Variants in UBE2K observed in about 807,000 individuals in gnomAD.
UBE2K encodes the protein ubiquitin-conjugating enzyme E2 K.
UBE2K carries 6 observed loss-of-function variants against 30.0 expected under a neutral mutation model. That is an observed-to-expected ratio of 0.20 (90% confidence interval 0.11 to 0.39). The LOEUF is 0.39. Ranked by LOEUF, UBE2K falls within the 10% of genes least tolerant of loss-of-function variation. UBE2K has a pLI of 1.00. For synonymous variants in UBE2K, 86 were observed against 83.7 expected, an observed-to-expected ratio of 1.03 and a Z score of -0.15; for missense variants, 61 against 241.6, an observed-to-expected ratio of 0.25 and a Z score of 4.96.
chr4:39,729,385 A>G (rs1719946216), intron 1 of UBE2K, among the ~76,000 whole-genome samples: 1 of 152,128 alleles, frequency 6.6e-6, no homozygotes, highest in Non-Finnish European at 1.5e-5. Flanking sequence ...AACATGTCTC[A>G]AACTGATTTT....
At chr4:39,759,695 G>A (rs1478690451) in intron 4 of UBE2K, among the ~76,000 whole-genome samples, 4 of 152,130 alleles carry the variant, frequency 2.6e-5, no homozygotes, top group Admixed American at 6.5e-5. Flanking sequence ...GAAGAAAATG[G>A]CAACACATAA....
At chr4:39,733,744 G>C (rs1018199020) in intron 1 of UBE2K, among the ~76,000 whole-genome samples, 5 of 152,194 alleles carry the variant, frequency 3.3e-5, no homozygotes, top group African/African-American at 7.2e-5. Context: ...ATAAAATTGA[G>C]AGTTAGGTGT....
chr4:39,743,071 G>A (rs1296181647), intron 2 of UBE2K, among the ~76,000 whole-genome samples: 3 of 151,336 alleles, frequency 2.0e-5, no homozygotes, highest in Admixed American at 6.6e-5. Context: ...AGAAGGATTC[G>A]AAACAAAAAG....
intron 4 of UBE2K, chr4:39,770,070 C>G (rs543017619): frequency 6.0e-4 from 923 of 1,534,126 alleles, no homozygotes; most frequent in Non-Finnish European, 7.5e-4. Context: ...CGGGCCTCCA[C>G]GCCTGCGCGG....
At chr4:39,767,486 G>A (rs1712423302) in intron 4 of UBE2K, among the ~76,000 whole-genome samples, 1 of 151,838 alleles carries the variant, frequency 6.6e-6, no homozygotes, top group African/African-American at 2.4e-5. Flanking sequence ...ACCACGCCCG[G>A]CTAATTTTTT....
At chr4:39,705,499 A>C (rs1718297319) in intron 1 of UBE2K, among the ~76,000 whole-genome samples, 1 of 151,986 alleles carries the variant, frequency 6.6e-6, no homozygotes, top group Non-Finnish European at 1.5e-5. Flanking sequence ...GTGCCCAGCC[A>C]AGACTATATA....
intron 1 of UBE2K, among the ~76,000 whole-genome samples, chr4:39,724,761 C>A (rs1300756038): frequency 6.7e-6 from 1 of 150,164 alleles, no homozygotes; most frequent in African/African-American, 2.5e-5. Context: ...CAGAGTGAGA[C>A]CCTGTTTCAA....
intron 1 of UBE2K, among the ~76,000 whole-genome samples, chr4:39,713,579 A>C (rs1718839432): frequency 6.6e-6 from 1 of 151,988 alleles, no homozygotes; most frequent in African/African-American, 2.4e-5. Flanking sequence ...AATACACATA[A>C]CATAAAATTT....
chr4:39,766,303 AT>A lies in UBE2K; in HGVS notation c.300-8523del, dbSNP rs921424455. Among the ~76,000 whole-genome samples the A allele has an allele frequency of 3.3e-5, 5 of 151,556 alleles. No individual in the cohort carries two copies. In the East Asian group the frequency reaches 7.7e-4, roughly 23 times the overall value. On this transcript the variant is annotated intron_variant, in intron 4 of 6. Coordinates refer to ENST00000261427, the MANE Select transcript of UBE2K (RefSeq NM_005339.5). ...CTCCACAACCTGGCTAACAATTACCATTTTTTTTATGGTAGCCATTCTAATG... is the reference window on the plus strand; with the variant it reads ...CTCCACAACCTGGCTAACAATTACCATTTTTTTATGGTAGCCATTCTAATG...
At position 39,780,038 on chromosome 4, in the gene UBE2K, T is replaced by C. The variant is rs1297234451; in HGVS notation, c.*1604T>C. 1 of 152,168 alleles carries C rather than the reference T, an allele frequency of 6.6e-6. No homozygotes were observed. Among genetic ancestry groups the C allele is most frequent in the Non-Finnish European group, 1.5e-5 (1 of 67,996 alleles). 9.4% of individuals were successfully genotyped at this position (152,168 alleles called of 1,614,324 possible). Reference sequence around the variant, plus strand: ...ATGTGAAGGTTCTTCCAAAAATTTGTAAGGCTTTCCTAATTAACAGTAAAC... The same window carrying C: ...ATGTGAAGGTTCTTCCAAAAATTTGCAAGGCTTTCCTAATTAACAGTAAAC... On this transcript the variant is annotated 3_prime_UTR_variant, in exon 7 of 7. Transcript: ENST00000261427.
chr4:39,759,904 G>A (rs1267795804), intron 4 of UBE2K, among the ~76,000 whole-genome samples: 5 of 152,026 alleles, frequency 3.3e-5, no homozygotes, highest in Non-Finnish European at 7.4e-5. Context: ...GGCAGGGCAC[G>A]GTGGCTCATG....
chr4:39,714,964 A>G (rs557299916), intron 1 of UBE2K, among the ~76,000 whole-genome samples: 10 of 150,206 alleles, frequency 6.7e-5, no homozygotes, highest in Admixed American at 2.7e-4. Context: ...TGATTTTCCC[A>G]TGCCTCAGCC....
Position 39,752,327 on chromosome 4 carries a change from TTTTTTTTC to T in UBE2K, c.217-3322_217-3315del, listed in dbSNP as rs1245320788. 4.1e-4 allele frequency among the ~76,000 whole-genome samples: 42 copies of T among 102,182 alleles called. 2 individuals are homozygous for T. Among genetic ancestry groups the T allele is most frequent in the African/African-American group, 1.5e-3 (39 of 26,444 alleles). 67.0% of individuals were successfully genotyped at this position (102,182 alleles called of 152,430 possible). On this transcript the variant is annotated intron_variant, in intron 3 of 6. Coordinates refer to ENST00000261427, the MANE Select transcript of UBE2K (RefSeq NM_005339.5). ...GCCTGGCTAATTTTTTTTTTTTTCT[TTTTTTTTC>T]TTTTTTTTTTTTTTTTTTTGAGACG...
intron 1 of UBE2K, among the ~76,000 whole-genome samples, chr4:39,716,284 C>CTGTCT (rs1471257221): frequency 6.6e-6 from 1 of 152,172 alleles, no homozygotes; most frequent in African/African-American, 2.4e-5. Context: ...GTCTATCTAT[C>CTGTCT]ATCCAGGCTG....
rs200296554 is a variant in UBE2K at position 39,755,746 on chromosome 4, G to A, written c.299+7G>A. ...ATATCCTGAAAGATCAATGGTAAGA[G>A]ATTTTGAATTCACCTTCTCTCCTTC... On this transcript the variant is annotated splice_region_variant and intron_variant, in intron 4 of 6. Coordinates refer to ENST00000261427, the MANE Select transcript of UBE2K (RefSeq NM_005339.5). 64 of 1,584,600 alleles carry A rather than the reference G, an allele frequency of 4.0e-5. No homozygotes were observed. The East Asian group carries it at 1.4e-3, about 34-fold the overall frequency.
rs1713419259 is a variant in UBE2K, at chr4:39,778,621, G to T, written c.*187G>T. Reference sequence around the variant, plus strand: ...TAAATAAAGCTAATTAAACGTCTGTGTAAATTTAAAAAGGGGAAATACTTT... The same window carrying T: ...TAAATAAAGCTAATTAAACGTCTGTTTAAATTTAAAAAGGGGAAATACTTT... On this transcript the variant is annotated 3_prime_UTR_variant, in exon 7 of 7. Transcript: ENST00000261427. 1 of 443,654 alleles carries T rather than the reference G, an allele frequency of 2.3e-6. No individual in the cohort carries two copies. Among genetic ancestry groups the T allele is most frequent in the Non-Finnish European group, 4.0e-6 (1 of 250,952 alleles). 27.5% of individuals were successfully genotyped at this position (443,654 alleles called of 1,614,324 possible).
chr4:39,714,540 A>ATTTT (rs1316202885), intron 1 of UBE2K: 1 of 20,578 alleles, frequency 4.9e-5, no homozygotes, highest in African/African-American at 3.8e-4. Context: ...ATATATATAT[A>ATTTT]TATATATATA....
chr4:39,747,805 C>CTT (rs770743576), intron 3 of UBE2K, among the ~76,000 whole-genome samples: 5 of 137,852 alleles, frequency 3.6e-5, no homozygotes, highest in Admixed American at 7.4e-5. Context: ...TTGTTGTTTT[C>CTT]TTTTTTTTTT....
intron 1 of UBE2K, among the ~76,000 whole-genome samples, chr4:39,712,578 C>T (rs1023090050): frequency 3.9e-5 from 6 of 151,906 alleles, no homozygotes; most frequent in Admixed American, 2.0e-4. Flanking sequence ...CATGCCACCA[C>T]GCCTGGCTAA....
Sources: gnomAD v4.1 joint callset for allele counts (sites outside exome capture counted in the v4.1 genomes callset) on GRCh38, gnomAD v4.1.1 for gene constraint, MANE v1.5 for transcripts, NCBI Gene and HGNC (gene_info 2026-07-23, HGNC 2026-07-21) for gene names.